Variants in SMARCD1 observed in about 807,000 individuals in gnomAD.
SMARCD1 encodes SWI/SNF-related matrix-associated actin-dependent regulator of chromatin subfamily D member 1.
SMARCD1 carries 16 observed loss-of-function variants against 70.8 expected under a neutral mutation model. The observed-to-expected ratio is 0.23, with a 90% CI of 0.15 to 0.34. The LOEUF (loss-of-function observed/expected upper bound fraction) is 0.34, where lower values mean the gene tolerates loss of function less well. SMARCD1 is among the 10% of genes least tolerant of loss of function. SMARCD1 has a pLI of 1.00. For missense variants in SMARCD1, 409 were observed against 655.5 expected (o/e 0.62, Z 4.11); for synonymous variants, 249 against 246.0 (o/e 1.01, Z -0.11).
intron 12 of SMARCD1, 24 bp from the exon 13 acceptor site, chr12:50,098,923 C>G (rs754970563): frequency 6.2e-7 from 1 of 1,613,398 alleles, no homozygotes; most frequent in Non-Finnish European, 8.5e-7. Context: ...TCATCTTCCA[C>G]TCCCTTCACT....
At chr12:50,093,360 C>T (rs987006353) in intron 9 of SMARCD1, among the ~76,000 whole-genome samples, 2 of 151,908 alleles carry the variant, frequency 1.3e-5, no homozygotes, top group African/African-American at 4.8e-5. Flanking sequence ...ATTGAGGTTT[C>T]GCCATGTTGG....
At chr12:50,094,358 C>T (rs1257361802) in intron 9 of SMARCD1, 79 bp from the exon 10 acceptor site, 12 of 1,426,294 alleles carry the variant, frequency 8.4e-6, no homozygotes, top group Non-Finnish European at 1.1e-5. Context: ...TCTCTTCATC[C>T]TGGGTCATCT....
rs749628224 is a variant in SMARCD1 at position 50,097,891 on chromosome 12, C to CAA, written c.1393-803_1393-802dup. 4.6e-3 allele frequency among the ~76,000 whole-genome samples: 191 copies of CAA among 41,778 alleles called. 1 individual carries two copies. The highest frequency in any genetic ancestry group is 0.01 in the African/African-American group (125 of 12,176). 27.4% of individuals were successfully genotyped at this position (41,778 alleles called of 152,430 possible). On this transcript the variant is annotated intron_variant, in intron 11 of 12. Transcript: ENST00000394963. ...TGGCTGACAGAGTGAGACTCCATCT[C>CAA]AAAAAAAAAAAAAAAAAAAAAGACA... is the stretch of plus-strand genomic sequence containing the variant.
intron 9 of SMARCD1, among the ~76,000 whole-genome samples, chr12:50,094,083 A>G (rs893273997): frequency 1.3e-5 from 2 of 152,218 alleles, no homozygotes; most frequent in Non-Finnish European, 2.9e-5. Context: ...AGAAAGATAT[A>G]TAGGAGACTG....
intron 11 of SMARCD1, among the ~76,000 whole-genome samples, chr12:50,097,450 G>C (rs969453599): frequency 6.6e-6 from 1 of 152,108 alleles, no homozygotes; most frequent in South Asian, 2.1e-4. Context: ...TACTTGGGAG[G>C]CTAAGGCAGG....
intron 11 of SMARCD1, 66 bp from the exon 12 acceptor site, chr12:50,098,648 T>A: frequency 8.0e-7 from 1 of 1,256,918 alleles, no homozygotes; most frequent in Non-Finnish European, 1.2e-6. Context: ...CAATAATGGG[T>A]GTGAAGGAAG....
In SMARCD1 at chr12:50,087,439, C is replaced by T. The variant is rs774922403; in HGVS notation, c.608C>T (p.Thr203Met). The change falls in exon 5 of 13, where the codon ACG becomes ATG. Residue 203 changes from threonine to methionine, a missense_variant. Around this residue, in one of 2 missense-constraint regions of SMARCD1, gnomAD observed 269 missense variants for 498.6 expected, o/e 0.54. Transcript: ENST00000394963. ...AKSDAEDGEG[T>M]VASWELRVEG... ...TCAGATGCCGAGGATGGGGAAGGGA[C>T]GGTGGCTTCCTGGGAGCTTCGGGTA... The T allele has an allele frequency of 4.3e-6, 7 of 1,613,942 alleles. No individual in the cohort carries two copies. Among genetic ancestry groups the T allele is most frequent in the Non-Finnish European group, 5.1e-6 (6 of 1,179,956 alleles).
At position 50,085,493 on chromosome 12, in the gene SMARCD1, C is replaced by A; in HGVS notation, c.124C>A (p.Pro42Thr). 8.1e-7 allele frequency: 1 copy of A among 1,239,490 alleles called. No individual in the cohort carries two copies. Among genetic ancestry groups the A allele is most frequent in the Non-Finnish European group, 1.0e-6 (1 of 991,572 alleles). The allele number at this position is 1,239,490 out of a possible 1,614,324, so 76.8% of individuals were successfully genotyped here. ...TCCGGGGCCTCCTGTGCGAATGGGC[C>A]CGGCTCCGGGTCAAGGGCTGTACCG... is the stretch of plus-strand genomic sequence containing the variant. ...GTPGPPVRMGPAPGQGLYRSP... is the reference protein window; with the variant it reads ...GTPGPPVRMGTAPGQGLYRSP... The change falls in exon 1 of 13, where the codon CCG becomes ACG. Residue 42 changes from proline to threonine, a missense_variant. By Grantham distance (38) the Pro-to-Thr change is conservative. Coordinates refer to ENST00000394963, the MANE Select transcript of SMARCD1 (RefSeq NM_003076.5).
At chr12:50,090,466 A>G in intron 8 of SMARCD1, 27 bp from the exon 9 acceptor site, 1 of 1,613,414 alleles carries the variant, frequency 6.2e-7, no homozygotes, top group Non-Finnish European at 8.5e-7. Context: ...CAAACTGCTA[A>G]CCTCGTGCTT....
At chr12:50,096,096 G>A (rs1476996909) in intron 10 of SMARCD1, among the ~76,000 whole-genome samples, 2 of 152,186 alleles carry the variant, frequency 1.3e-5, no homozygotes, top group South Asian at 4.1e-4. Flanking sequence ...ACGTGTTGAG[G>A]CCCTAAATTT....
In SMARCD1 at chr12:50,086,244, C is replaced by T; in HGVS notation, c.261C>T (p.Val87=). The change falls in exon 2 of 13, where the codon GTC becomes GTT. Residue 87 remains valine (V), a synonymous_variant. Coordinates refer to ENST00000394963, the MANE Select transcript of SMARCD1 (RefSeq NM_003076.5). ...GPPGYGGNPS[V]RPGLAQSGMD... is the part of the protein sequence containing the mutation. ...CTGGCTATGGGGGGAACCCTTCAGT[C>T]CGACCTGGCCTGGCCCAGTCAGGGA... 1 of 1,613,186 alleles carries T rather than the reference C, an allele frequency of 6.2e-7. No individual in the cohort carries two copies. Among genetic ancestry groups the T allele is most frequent in the Non-Finnish European group, 8.5e-7 (1 of 1,179,378 alleles).
chr12:50,086,383 G>A, intron 2 of SMARCD1, 35 bp downstream of exon 2: 6 of 1,407,268 alleles, frequency 4.3e-6, no homozygotes, highest in South Asian at 1.3e-5. Flanking sequence ...AGGGAGGGAG[G>A]GAGCCTGGGA....
intron 9 of SMARCD1, 27 bp downstream of exon 9, chr12:50,090,617 T>A (rs764019875): frequency 6.4e-7 from 1 of 1,550,528 alleles, no homozygotes. Context: ...GAGGCAGTGC[T>A]GTGCCGGAGC....
rs1404454908 is a variant in SMARCD1 at position 50,100,565 on chromosome 12, T to C, written c.*1565T>C. ...ATAACTGTTTTTATTAACTGAATTG[T>C]TTTTTTCATGGACCAAACTTTTTTT... On this transcript the variant is annotated 3_prime_UTR_variant, in exon 13 of 13. Coordinates refer to ENST00000394963, the MANE Select transcript of SMARCD1 (RefSeq NM_003076.5). The C allele has an allele frequency of 6.6e-6, 1 of 152,606 alleles. No individual in the cohort carries two copies. Among genetic ancestry groups the C allele is most frequent in the Non-Finnish European group, 1.5e-5 (1 of 68,040 alleles). 9.5% of individuals were successfully genotyped at this position (152,606 alleles called of 1,614,324 possible). A position where few individuals can be genotyped will look rare whatever the true frequency, so the allele number is the denominator to read the frequency against.
In SMARCD1 at chr12:50,085,364, G is replaced by T; in HGVS notation, c.-6G>T. 1.6e-6 allele frequency: 2 copies of T among 1,263,588 alleles called. No homozygotes were observed. Among genetic ancestry groups the T allele is most frequent in the Non-Finnish European group, 2.0e-6 (2 of 1,006,690 alleles). The allele number at this position is 1,263,588 out of a possible 1,614,324, so 78.3% of individuals were successfully genotyped here. On this transcript the variant is annotated 5_prime_UTR_variant, in exon 1 of 13. Transcript: ENST00000394963. ...TTTGTGCGGCTGCATCGGCGGCTCC[G>T]GGAAGATGGCGGCCCGGGCGGGTTT...
chr12:50,092,620 C>T (rs1950856776), intron 9 of SMARCD1, among the ~76,000 whole-genome samples: 1 of 151,734 alleles, frequency 6.6e-6, no homozygotes, highest in Non-Finnish European at 1.5e-5. Context: ...TTCACTTACA[C>T]AGTAGTAACT....
rs759040978 is a variant in SMARCD1, at chr12:50,090,283, G to A, written c.916G>A (p.Gly306Ser). Reference protein sequence around the residue: ...KLDPRLARLLGIHTQTRPVII... With the variant: ...KLDPRLARLLSIHTQTRPVII... Reference sequence around the variant, plus strand: ...AGACCCCCGCCTAGCTCGACTCCTGGGCATCCATACCCAGACTCGTCCAGT... The same window carrying A: ...AGACCCCCGCCTAGCTCGACTCCTGAGCATCCATACCCAGACTCGTCCAGT... The change falls in exon 8 of 13, where the codon GGC (glycine) becomes AGC (serine). Residue 306 changes from glycine to serine, a missense_variant. Around this residue, in one of 2 missense-constraint regions of SMARCD1, gnomAD observed 269 missense variants for 498.6 expected, o/e 0.54. Coordinates refer to ENST00000394963, the MANE Select transcript of SMARCD1 (RefSeq NM_003076.5). 2 of 1,613,984 alleles carry A rather than the reference G, an allele frequency of 1.2e-6. No homozygotes were observed. The highest frequency in any genetic ancestry group is 1.7e-6 in the Non-Finnish European group (2 of 1,179,994).
intron 9 of SMARCD1, 51 bp from the exon 10 acceptor site, chr12:50,094,386 T>G (rs1335946788): frequency 6.4e-7 from 1 of 1,571,932 alleles, no homozygotes; most frequent in Non-Finnish European, 8.6e-7. Flanking sequence ...CCTGTGTAAT[T>G]AGGTCTTAGG....
At chr12:50,092,648 G>A (rs956204437) in intron 9 of SMARCD1, among the ~76,000 whole-genome samples, 1 of 151,842 alleles carries the variant, frequency 6.6e-6, no homozygotes, top group Non-Finnish European at 1.5e-5. Context: ...CTATAAATTA[G>A]GTCAGTAGAA....
Sources: gnomAD v4.1 joint callset for allele counts (sites outside exome capture counted in the v4.1 genomes callset) on GRCh38, gnomAD v4.1.1 for gene constraint, gnomAD v4.1.1 regional missense constraint, MANE v1.5 for transcripts, NCBI Gene and HGNC (gene_info 2026-07-23, HGNC 2026-07-21) for gene names.